The following EIF3A variants were observed in gnomAD, a reference collection of about 807,000 sequenced individuals.
EIF3A encodes the protein eukaryotic translation initiation factor 3 subunit A, also known as EIF3, p180 subunit.
Under a neutral mutation model 186.6 loss-of-function variants are expected in EIF3A, and 21 were observed. The observed-to-expected ratio is 0.11, with a 90% confidence interval of 0.08 to 0.16. The LOEUF (loss-of-function observed/expected upper bound fraction) is 0.16. EIF3A is among the 10% of genes least tolerant of loss of function. The pLI is 1.00. For missense variants in EIF3A, 1,306 were observed against 1,796.3 expected, an observed-to-expected ratio of 0.73 and a Z score of 4.93; for synonymous variants, 563 against 584.3, an observed-to-expected ratio of 0.96 and a Z score of 0.52.
chr10:119,065,707 A>T (rs1838925096), intron 6 of EIF3A, 137 bp from the exon 7 acceptor site: 1 of 606,916 alleles, frequency 1.6e-6, no homozygotes. Flanking sequence ...ATACTCATAA[A>T]TATTATTCCA....
Position 119,042,364 on chromosome 10 carries a change from G to A in EIF3A, c.3156C>T (p.Gly1052=), listed in dbSNP as rs148138259. Residue 1052 remains glycine, a synonymous_variant, in exon 19 of 22, where the codon GGC becomes GGT. Transcript: ENST00000369144. The surrounding 1 kb of genome is among the most constrained non-coding windows in gnomAD (Gnocchi z 7.8). ...MDDDRGPRRG[G]ADDERSSWRN... ...GCCAGGATGATCGCTCATCATCAGCGCCTCCTCGCCTCGGCCCCCGGTCAT... is the reference window on the plus strand; with the variant it reads ...GCCAGGATGATCGCTCATCATCAGCACCTCCTCGCCTCGGCCCCCGGTCAT... The A allele has an allele frequency of 1.6e-4, 264 of 1,611,550 alleles. No individual in the cohort carries two copies. The highest frequency in any genetic ancestry group is 2.2e-4 in the Non-Finnish European group (254 of 1,179,376).
In EIF3A at chr10:119,051,226, G is replaced by A. The variant is rs1041831925; in HGVS notation, c.2292C>T (p.Leu764=). 4 of 1,611,010 alleles carry A rather than the reference G, an allele frequency of 2.5e-6. No individual in the cohort carries two copies. In the African/African-American group the frequency reaches 5.3e-5, roughly 22 times the overall value. The change falls in exon 15 of 22, where the codon CTC becomes CTT. Residue 764 remains leucine, a synonymous_variant. Coordinates refer to ENST00000369144, the MANE Select transcript of EIF3A (RefSeq NM_003750.4). ...LEDRDLFVMR[L]KAARQSVYEE... ...CATAAACAGACTGCCGTGCAGCTTT[G>A]AGTCGCATTACGAATAAATCTCTGT... is the stretch of plus-strand genomic sequence containing the variant.
chr10:119,036,326 A>G (rs2119816954), intron 21 of EIF3A, 58 bp from the exon 22 acceptor site: 1 of 1,110,070 alleles, frequency 9.0e-7, no homozygotes, highest in African/African-American at 1.6e-5. Flanking sequence ...ATTGGCTCAA[A>G]TTACTCAAAA....
At chr10:119,068,159 G>A (rs777777361) in intron 6 of EIF3A, among the ~76,000 whole-genome samples, 14 of 151,982 alleles carry the variant, frequency 9.2e-5, no homozygotes, top group African/African-American at 9.7e-5. Context: ...TATACGTAAC[G>A]TTAAAAATAA....
intron 16 of EIF3A, among the ~76,000 whole-genome samples, chr10:119,050,254 G>T (rs1375734552): frequency 6.6e-6 from 1 of 152,098 alleles, no homozygotes; most frequent in Non-Finnish European, 1.5e-5. Context: ...CCATCATCTG[G>T]AATGTATTCC....
chr10:119,051,889 C>A (rs1025749286), intron 14 of EIF3A, among the ~76,000 whole-genome samples: 1 of 152,136 alleles, frequency 6.6e-6, no homozygotes, highest in Admixed American at 6.5e-5. Flanking sequence ...ACAAAAAATA[C>A]TTTATTGCTA....
chr10:119,040,185 C>T (rs569828672), intron 19 of EIF3A, among the ~76,000 whole-genome samples: 312 of 152,284 alleles, frequency 2.0e-3, no homozygotes, highest in African/African-American at 6.6e-3. Flanking sequence ...ATTTCCCTGA[C>T]ACCCAAAATT....
chr10:119,073,710 C>T, intron 2 of EIF3A, 37 bp downstream of exon 2: 1 of 1,567,428 alleles, frequency 6.4e-7, no homozygotes, highest in Non-Finnish European at 8.6e-7. Context: ...TTACTAAAAA[C>T]ACTTGTTAAA....
chr10:119,067,798 T>C (rs1486344063), intron 6 of EIF3A, among the ~76,000 whole-genome samples: 1 of 152,188 alleles, frequency 6.6e-6, no homozygotes, highest in Non-Finnish European at 1.5e-5. Flanking sequence ...GGTATGTGTG[T>C]TGCCTAAGTC....
intron 7 of EIF3A, among the ~76,000 whole-genome samples, chr10:119,064,831 C>T (rs1413445429): frequency 6.6e-6 from 1 of 152,164 alleles, no homozygotes; most frequent in East Asian, 1.9e-4. Context: ...ACTCAGCCTC[C>T]TGCGTAGCTG....
rs1010156852 is a variant in EIF3A at position 119,056,954 on chromosome 10, T to C, written c.2064A>G (p.Leu688=). Residue 688 remains leucine (L), a synonymous_variant, in exon 13 of 22, where the codon CTA becomes CTG. Coordinates refer to ENST00000369144, the MANE Select transcript of EIF3A (RefSeq NM_003750.4). ...CATTTACCTTCTTTTCTTGATTCTT[T>C]AGGCGTTCTTGAAGTTCTTTCTTTT... The part of the protein sequence containing the change: ...EKEKKELQER[L]KNQEKKIDYF... 3 of 1,612,106 alleles carry C rather than the reference T, an allele frequency of 1.9e-6. No individual in the cohort carries two copies. Among genetic ancestry groups the C allele is most frequent in the African/African-American group, 1.3e-5 (1 of 74,860 alleles).
At chr10:119,071,412 G>C (rs959912745) in intron 4 of EIF3A, among the ~76,000 whole-genome samples, 1 of 152,082 alleles carries the variant, frequency 6.6e-6, no homozygotes, top group Non-Finnish European at 1.5e-5. Flanking sequence ...AAAAAATCTA[G>C]TATGAAATAT....
At position 119,080,786 on chromosome 10, in the gene EIF3A, C is replaced by T; in HGVS notation, c.-110G>A. ...AGGTCCCACGCGCCTCGCCAGCAGTCGCCCGCGCCCAGCCGGCCAGAGACG... is the reference window on the plus strand; with the variant it reads ...AGGTCCCACGCGCCTCGCCAGCAGTTGCCCGCGCCCAGCCGGCCAGAGACG... On this transcript the variant is annotated 5_prime_UTR_variant, in exon 1 of 22. Coordinates refer to ENST00000369144, the MANE Select transcript of EIF3A (RefSeq NM_003750.4). 4 of 1,445,514 alleles carry T rather than the reference C, an allele frequency of 2.8e-6. No homozygotes were observed. The South Asian group carries it at 4.1e-5, about 15-fold the overall frequency. 89.5% of individuals were successfully genotyped at this position (1,445,514 alleles called of 1,614,324 possible). A position where few individuals can be genotyped will look rare whatever the true frequency, so the allele number is the denominator to read the frequency against.
At chr10:119,054,167 C>G (rs1343624432) in intron 14 of EIF3A, among the ~76,000 whole-genome samples, 1 of 152,086 alleles carries the variant, frequency 6.6e-6, no homozygotes. Context: ...GTGATCTGCC[C>G]TCCTCGGCCT....
intron 7 of EIF3A, among the ~76,000 whole-genome samples, chr10:119,065,074 A>G (rs551163470): frequency 6.8e-6 from 1 of 147,154 alleles, no homozygotes; most frequent in East Asian, 1.9e-4. Context: ...TACCACACAC[A>G]GCTTAATTAG....
At chr10:119,070,565 TC>T (rs778427755) in intron 5 of EIF3A, among the ~76,000 whole-genome samples, 155 of 150,766 alleles carry the variant, frequency 1.0e-3, no homozygotes, top group Non-Finnish European at 1.7e-3. Flanking sequence ...TATACTTATT[TC>T]ATCACAGACC....
At position 119,036,144 on chromosome 10, in the gene EIF3A, TTCTCTTTCTCGGTCTCGG is replaced by T. The variant is rs774323645; in HGVS notation, c.4026_4043del (p.Asp1342_Arg1347del). 2.1e-5 allele frequency: 34 copies of T among 1,614,004 alleles called. 1 individual carries two copies. Among genetic ancestry groups the T allele is most frequent in the African/African-American group, 6.7e-5 (5 of 75,016 alleles). ...TCCATGAGGCCTTCTCTTTTTCACC[TTCTCTTTCTCGGTCTCGG>T]TCTCTTTCTCGGTCTCTTGAAAGAG... On this transcript the variant is annotated inframe_deletion, in exon 22 of 22. Transcript: ENST00000369144.
chr10:119,064,657 T>C (rs1383699448), intron 7 of EIF3A, among the ~76,000 whole-genome samples: 2 of 152,196 alleles, frequency 1.3e-5, no homozygotes, highest in South Asian at 2.1e-4. Flanking sequence ...TGTGGAACCA[T>C]GAGCCAATTA....
At chr10:119,046,879 C>T (rs1437315884) in intron 17 of EIF3A, among the ~76,000 whole-genome samples, 2 of 150,488 alleles carry the variant, frequency 1.3e-5, no homozygotes, top group Non-Finnish European at 3.0e-5. Flanking sequence ...ATCACTTGAA[C>T]CTGGAAGGTG....
Sources: allele counts gnomAD v4.1 joint callset (sites outside exome capture counted in the v4.1 genomes callset), GRCh38; gene constraint gnomAD v4.1.1; non-coding constraint Gnocchi (gnomAD v3.1); transcripts MANE v1.5; gene names NCBI Gene and HGNC (gene_info 2026-07-23, HGNC 2026-07-21).